The following SYNE2 variants were observed in gnomAD, a reference collection of about 807,000 sequenced individuals.
SYNE2 encodes spectrin repeat containing nuclear envelope protein 2, also known as nesprin-2.
Under a neutral mutation model 856.3 loss-of-function variants are expected in SYNE2, and 431 were observed. The observed-to-expected ratio is 0.50, with a 90% CI of 0.47 to 0.55. The LOEUF (loss-of-function observed/expected upper bound fraction) is 0.55, where lower values mean the gene tolerates loss of function less well. Ranked by LOEUF, SYNE2 falls within the 20% of genes least tolerant of loss-of-function variation. SYNE2 has a pLI of 0.00. For missense variants in SYNE2, 8,129 were observed against 8,023.2 expected (o/e 1.01, Z -0.50); for synonymous variants, 2,923 against 2,872.3 (o/e 1.02, Z -0.56).
chr14:64,142,231 G>A lies in SYNE2; in HGVS notation c.15306+143G>A, dbSNP rs1032772605. On this transcript the variant is annotated intron_variant, in intron 82 of 115. Transcript: ENST00000555002. ...GAAACTGGGGTGGTGGATGATTCTGGAGAGATGTTAGTAGACTTGCTTTTG... is the reference window on the plus strand; with the variant it reads ...GAAACTGGGGTGGTGGATGATTCTGAAGAGATGTTAGTAGACTTGCTTTTG... The A allele has an allele frequency of 6.1e-6, 6 of 983,202 alleles. No homozygotes were observed. In the African/African-American group the frequency reaches 6.5e-5, roughly 11 times the overall value. The allele number at this position is 983,202 out of a possible 1,614,324, so 60.9% of individuals were successfully genotyped here. A position where few individuals can be genotyped will look rare whatever the true frequency, so the allele number is the denominator to read the frequency against.
intron 45 of SYNE2, chr14:64,034,532 C>T: frequency 3.9e-6 from 2 of 514,912 alleles, no homozygotes; most frequent in Non-Finnish European, 7.1e-6. Context: ...CCAAAAATTG[C>T]CATCATAGCA....
rs535007914 is a variant in SYNE2 at position 64,145,313 on chromosome 14, A to G, written c.15484-755A>G. Among the ~76,000 whole-genome samples, 825 of 152,008 alleles carry G rather than the reference A, an allele frequency of 5.4e-3. 8 individuals are homozygous for G. The highest frequency in any genetic ancestry group is 0.018 in the African/African-American group (761 of 41,502). On this transcript the variant is annotated intron_variant, in intron 83 of 115. Coordinates refer to ENST00000555002, the MANE Select transcript of SYNE2 (RefSeq NM_182914.3). ...AGCACTTTGGGAGGCCGAGGCGGGCAGATCACAAGGTCAGGTGTTTTCTTG... is the reference window on the plus strand; with the variant it reads ...AGCACTTTGGGAGGCCGAGGCGGGCGGATCACAAGGTCAGGTGTTTTCTTG...
At chr14:64,014,782 A>G (rs771537342) in intron 32 of SYNE2, among the ~76,000 whole-genome samples, 49 of 151,656 alleles carry the variant, frequency 3.2e-4, no homozygotes, top group Non-Finnish European at 6.5e-4. Flanking sequence ...TTACCATTTT[A>G]TATGCTTTTT....
At chr14:63,914,992 T>G (rs1425945666) in intron 2 of SYNE2, among the ~76,000 whole-genome samples, 2 of 152,262 alleles carry the variant, frequency 1.3e-5, no homozygotes. Context: ...TGCCCAGGCT[T>G]GTCTCAAAAC....
At chr14:63,761,844 G>C (rs1006457303), upstream of SYNE2, among the ~76,000 whole-genome samples, 1 of 152,180 alleles carries the variant, frequency 6.6e-6, no homozygotes, top group Admixed American at 6.6e-5. Flanking sequence ...TCAGGACATT[G>C]CCAAACCTCT....
chr14:64,122,339 A>G lies in SYNE2; in HGVS notation c.13334A>G (p.Gln4445Arg). The change falls in exon 70 of 116, where the codon CAG becomes CGG. Residue 4445 changes from glutamine to arginine, a missense_variant. Coordinates refer to ENST00000555002, the MANE Select transcript of SYNE2 (RefSeq NM_182914.3). ...NDVPDSILSP[Q>R]GQNGDKWQYL... Reference sequence around the variant, plus strand: ...GTTCCAGACTCGATCTTGTCACCCCAGGGCCAAAATGGAGATAAGTGGCAA... The same window carrying G: ...GTTCCAGACTCGATCTTGTCACCCCGGGGCCAAAATGGAGATAAGTGGCAA... 1 of 1,614,182 alleles carries G rather than the reference A, an allele frequency of 6.2e-7. No homozygotes were observed. The highest frequency in any genetic ancestry group is 8.5e-7 in the Non-Finnish European group (1 of 1,180,018).
intron 10 of SYNE2, among the ~76,000 whole-genome samples, chr14:63,965,368 A>T (rs543390770): frequency 6.6e-6 from 1 of 152,198 alleles, no homozygotes; most frequent in Non-Finnish European, 1.5e-5. Flanking sequence ...TGAAGATAAT[A>T]AGTGGCTTAT....
At chr14:64,096,553 G>A (rs1390718458) in intron 61 of SYNE2, among the ~76,000 whole-genome samples, 1 of 152,156 alleles carries the variant, frequency 6.6e-6, no homozygotes, top group Admixed American at 6.5e-5. Flanking sequence ...TACCTCTGAA[G>A]TTTAGTGTTT....
At chr14:63,762,003 A>G (rs1289685359) in intron 1 of SYNE2, 3 of 453,144 alleles carry the variant, frequency 6.6e-6, no homozygotes. Context: ...GGTTTTGACA[A>G]GTTTGCATCA....
chr14:63,838,847 A>G (rs1488998147), intron 1 of SYNE2, among the ~76,000 whole-genome samples: 2 of 151,880 alleles, frequency 1.3e-5, no homozygotes, highest in Admixed American at 6.6e-5. Context: ...AGCTATACAT[A>G]GCATATGCCT....
At chr14:64,116,306 A>T (rs1333173180) in intron 66 of SYNE2, among the ~76,000 whole-genome samples, 1 of 152,256 alleles carries the variant, frequency 6.6e-6, no homozygotes, top group Non-Finnish European at 1.5e-5. Flanking sequence ...CATTAAAAAA[A>T]TATCATTCTG....
Position 64,140,179 on chromosome 14 carries a change from G to T in SYNE2, c.14976+106G>T, listed in dbSNP as rs374735667. 352 of 1,169,292 alleles carry T rather than the reference G, an allele frequency of 3.0e-4. 8 individuals are homozygous for T. In the South Asian group the frequency reaches 3.2e-3, roughly 11 times the overall value. The allele number at this position is 1,169,292 out of a possible 1,614,324, so 72.4% of individuals were successfully genotyped here. On this transcript the variant is annotated intron_variant, in intron 80 of 115. Transcript: ENST00000555002. ...GTCTTCGTATTTATTTGTGGATAAG[G>T]GGTAAGACTTGGGCGAATGGCAGCT...
chr14:63,796,223 G>C (rs977512904), intron 1 of SYNE2, among the ~76,000 whole-genome samples: 1 of 152,188 alleles, frequency 6.6e-6, no homozygotes, highest in Non-Finnish European at 1.5e-5. Context: ...CACTTTGGGA[G>C]TCCACTGCAG....
At chr14:64,106,049 CAA>C (rs549854082) in intron 64 of SYNE2, among the ~76,000 whole-genome samples, 39 of 92,160 alleles carry the variant, frequency 4.2e-4, no homozygotes, top group Admixed American at 6.4e-4. Context: ...GGCCCTGTCT[CAA>C]AAAAAAAAAA....
intron 66 of SYNE2, among the ~76,000 whole-genome samples, chr14:64,118,580 A>T (rs2097870719): frequency 6.6e-6 from 1 of 152,290 alleles, no homozygotes; most frequent in South Asian, 2.1e-4. Context: ...TTAGGAAGGT[A>T]GGCGAGGCAT....
chr14:64,091,437 G>A (rs1405277819), intron 60 of SYNE2, among the ~76,000 whole-genome samples: 4 of 152,190 alleles, frequency 2.6e-5, no homozygotes, highest in Non-Finnish European at 5.9e-5. Flanking sequence ...CAAACGTGAT[G>A]TAGGTAGAGT....
intron 65 of SYNE2, among the ~76,000 whole-genome samples, chr14:64,109,582 A>G (rs1595580754): frequency 1.3e-5 from 2 of 152,262 alleles, no homozygotes; most frequent in South Asian, 2.1e-4. Flanking sequence ...TAATTTATGT[A>G]TGTGTGTATT....
Position 64,025,150 on chromosome 14 carries a change from C to T in SYNE2, c.5981C>T (p.Ala1994Val), listed in dbSNP as rs1377473938. The change falls in exon 41 of 116, where the codon GCC (alanine) becomes GTC (valine). Residue 1994 changes from alanine to valine, a missense_variant. Ala to Val is a moderately conservative substitution (Grantham distance 64, BLOSUM62 0). Coordinates refer to ENST00000555002, the MANE Select transcript of SYNE2 (RefSeq NM_182914.3). ...ARKREQFESV[A>V]QLNNSLKEYG... The stretch of plus-strand genomic sequence containing the variant: ...TACAGGGAACAGTTTGAATCTGTGG[C>T]CCAATTGAACAACTCTTTGAAGGAA... 3.1e-6 allele frequency: 5 copies of T among 1,613,786 alleles called. No homozygotes were observed. Among genetic ancestry groups the T allele is most frequent in the South Asian group, 2.2e-5 (2 of 91,072 alleles).
rs142758563 is a variant in SYNE2, at chr14:64,141,518, C to A, written c.15154C>A (p.His5052Asn). 6.2e-7 allele frequency: 1 copy of A among 1,613,860 alleles called. No homozygotes were observed. The highest frequency in any genetic ancestry group is 8.5e-7 in the Non-Finnish European group (1 of 1,179,874). Residue 5052 changes from histidine (H) to asparagine (N), a missense_variant, in exon 81 of 116, where the codon CAC (histidine) becomes AAC (asparagine). This residue lies in a region of SYNE2 where 5,410 missense variants were observed against 5,284.8 expected (regional missense o/e 1.02). Coordinates refer to ENST00000555002, the MANE Select transcript of SYNE2 (RefSeq NM_182914.3). ...ACTTCCAGATATTCAAGAAAAACTTCACCAGGTAAGTCTTTAGAGCCTCAG... is the reference window on the plus strand; with the variant it reads ...ACTTCCAGATATTCAAGAAAAACTTAACCAGGTAAGTCTTTAGAGCCTCAG... ...TQLPDIQEKL[H>N]QLQMEKLPSR...
Sources: allele counts gnomAD v4.1 joint callset (sites outside exome capture counted in the v4.1 genomes callset), GRCh38; gene constraint gnomAD v4.1.1; regional missense constraint gnomAD v4.1.1; transcripts MANE v1.5; gene names NCBI Gene and HGNC (gene_info 2026-07-23, HGNC 2026-07-21).